EXOC4: variants seen among roughly 807,000 people sequenced by gnomAD.
The protein encoded by EXOC4 is exocyst complex component 4, also known as SEC8-like 1.
In EXOC4, 71 loss-of-function variants were observed where a neutral mutation model predicts 107.2. The observed-to-expected ratio is 0.66, with a 90% CI of 0.55 to 0.81. The LOEUF (loss-of-function observed/expected upper bound fraction) is 0.81, where lower values mean the gene tolerates loss of function less well. Ranked by LOEUF, EXOC4 falls within the 30% of genes least tolerant of loss-of-function variation. The pLI is 0.00. For synonymous variants in EXOC4, 456 were observed against 441.2 expected (o/e 1.03, Z -0.42); for missense variants, 1,108 against 1,189.6 (o/e 0.93, Z 1.01).
At chr7:133,266,990 A>G (rs1793745428) in intron 1 of EXOC4, among the ~76,000 whole-genome samples, 1 of 152,106 alleles carries the variant, frequency 6.6e-6, no homozygotes, top group Non-Finnish European at 1.5e-5. Flanking sequence ...CTTCATATTA[A>G]CTTTGCTTGC....
chr7:133,318,816 T>C (rs879555971), intron 5 of EXOC4, among the ~76,000 whole-genome samples: 2 of 152,204 alleles, frequency 1.3e-5, no homozygotes, highest in Non-Finnish European at 2.9e-5. Context: ...AGATTTTCCT[T>C]TGTTTAATTA....
At chr7:133,845,734 G>T (rs1798113894) in intron 11 of EXOC4, among the ~76,000 whole-genome samples, 1 of 152,070 alleles carries the variant, frequency 6.6e-6, no homozygotes, top group Non-Finnish European at 1.5e-5. Flanking sequence ...CATGTTGCAT[G>T]CAGTGAGCTA....
chr7:133,371,464 A>G (rs997918323), intron 6 of EXOC4, among the ~76,000 whole-genome samples: 1 of 152,148 alleles, frequency 6.6e-6, no homozygotes, highest in Non-Finnish European at 1.5e-5. Context: ...CCTATCCTGA[A>G]TATTTTATAT....
chr7:133,591,518 T>C (rs1185409861), intron 9 of EXOC4, among the ~76,000 whole-genome samples: 1 of 151,648 alleles, frequency 6.6e-6, no homozygotes, highest in Non-Finnish European at 1.5e-5. Context: ...TTTTTTCATA[T>C]GCATTTTCTG....
At position 133,322,693 on chromosome 7, in the gene EXOC4, C is replaced by G. The variant is rs1795142346; in HGVS notation, c.763+5303C>G. 2.0e-5 allele frequency among the ~76,000 whole-genome samples: 3 copies of G among 152,268 alleles called. No homozygotes were observed. The South Asian group carries it at 6.2e-4, about 32-fold the overall frequency. On this transcript the variant is annotated intron_variant, in intron 5 of 17. Coordinates refer to ENST00000253861, the MANE Select transcript of EXOC4 (RefSeq NM_021807.4). ...TTCTGTTTGCTTAGGATTATCTTGG[C>G]TATGCAGGCTCTTTTTTGGTTCCAT...
At chr7:133,496,359 G>T (rs766844601) in intron 9 of EXOC4, among the ~76,000 whole-genome samples, 10 of 152,022 alleles carry the variant, frequency 6.6e-5, no homozygotes, top group African/African-American at 2.4e-4. Flanking sequence ...TTGAGACAAG[G>T]TCTCACTTTT....
At chr7:133,468,589 T>C (rs1040293809) in intron 7 of EXOC4, among the ~76,000 whole-genome samples, 1 of 152,156 alleles carries the variant, frequency 6.6e-6, no homozygotes, top group Admixed American at 6.5e-5. Flanking sequence ...TACCCTGATT[T>C]TGTCTCCTGC....
chr7:133,378,649 T>C (rs925826973), intron 7 of EXOC4, among the ~76,000 whole-genome samples: 1 of 152,118 alleles, frequency 6.6e-6, no homozygotes, highest in Non-Finnish European at 1.5e-5. Context: ...TAGCCTATGA[T>C]AAGTTAAGGA....
chr7:133,740,997 A>T (rs528434076), intron 10 of EXOC4, among the ~76,000 whole-genome samples: 27 of 152,306 alleles, frequency 1.8e-4, no homozygotes, highest in African/African-American at 6.3e-4. Flanking sequence ...TTGCAGCTCA[A>T]TTAACACTGG....
chr7:133,273,136 T>G (rs1486523371), intron 1 of EXOC4, among the ~76,000 whole-genome samples: 2 of 152,206 alleles, frequency 1.3e-5, no homozygotes, highest in Admixed American at 6.5e-5. Context: ...ATTTTCTGAT[T>G]GTGCTTTACT....
chr7:133,643,470 G>A (rs1276267418), intron 10 of EXOC4, among the ~76,000 whole-genome samples: 1 of 152,056 alleles, frequency 6.6e-6, no homozygotes, highest in African/African-American at 2.4e-5. Flanking sequence ...CGCACAATCC[G>A]TACTTTGTAT....
chr7:133,819,476 G>T (rs532037130), intron 11 of EXOC4, among the ~76,000 whole-genome samples: 1 of 152,092 alleles, frequency 6.6e-6, no homozygotes, highest in East Asian at 1.9e-4. Flanking sequence ...GGTGCTCAAT[G>T]AATAACTTAC....
chr7:133,864,004 G>GTT (rs1798586953), intron 11 of EXOC4, among the ~76,000 whole-genome samples: 1 of 152,076 alleles, frequency 6.6e-6, no homozygotes, highest in Non-Finnish European at 1.5e-5. Flanking sequence ...TTTGTTATTT[G>GTT]TTGACTTATT....
At chr7:134,017,317 C>G (rs1794932871) in intron 17 of EXOC4, among the ~76,000 whole-genome samples, 2 of 152,152 alleles carry the variant, frequency 1.3e-5, no homozygotes, top group Admixed American at 6.5e-5. Flanking sequence ...TGTTAAATCT[C>G]TTAAATTTAA....
chr7:133,949,529 A>G (rs1167057046), intron 14 of EXOC4, among the ~76,000 whole-genome samples: 1 of 152,236 alleles, frequency 6.6e-6, no homozygotes, highest in Admixed American at 6.5e-5. Flanking sequence ...TGTAAATGTC[A>G]GAAAGATGAT....
At chr7:133,255,575 A>G (rs1442890728) in intron 1 of EXOC4, among the ~76,000 whole-genome samples, 2 of 152,218 alleles carry the variant, frequency 1.3e-5, no homozygotes, top group Admixed American at 6.5e-5. Flanking sequence ...TAGACCTAGT[A>G]TCCTGGGCAA....
At chr7:133,554,211 G>C (rs1276126340) in intron 9 of EXOC4, among the ~76,000 whole-genome samples, 1 of 152,012 alleles carries the variant, frequency 6.6e-6, no homozygotes, top group East Asian at 1.9e-4. Context: ...TTTGTAGACT[G>C]TACTACTATA....
intron 10 of EXOC4, among the ~76,000 whole-genome samples, chr7:133,701,309 A>G (rs1193400522): frequency 6.6e-6 from 1 of 152,216 alleles, no homozygotes; most frequent in Non-Finnish European, 1.5e-5. Flanking sequence ...TTGAAGCATA[A>G]TATTGCCTTA....
intron 10 of EXOC4, among the ~76,000 whole-genome samples, chr7:133,669,566 G>A (rs560800012): frequency 1.8e-5 from 2 of 111,534 alleles, no homozygotes; most frequent in Admixed American, 1.0e-4. Context: ...ACACAGCAGT[G>A]AATAAAGAAC....
Sources: allele counts gnomAD v4.1 joint callset (sites outside exome capture counted in the v4.1 genomes callset), GRCh38; gene constraint gnomAD v4.1.1; transcripts MANE v1.5; gene names NCBI Gene and HGNC (gene_info 2026-07-23, HGNC 2026-07-21).